PTPN12: variants seen among roughly 807,000 people sequenced by gnomAD.
PTPN12 encodes protein tyrosine phosphatase non-receptor type 12.
A neutral mutation model predicts 97.6 loss-of-function variants in PTPN12; 29 were observed. That is an observed-to-expected ratio of 0.30 (90% CI 0.22 to 0.41). PTPN12 has a LOEUF of 0.41. PTPN12 is among the 10% of genes least tolerant of loss of function. The pLI is 1.00. For synonymous variants in PTPN12, 327 were observed against 300.4 expected, an observed-to-expected ratio of 1.09 and a Z score of -0.91; for missense variants, 819 against 926.0, an observed-to-expected ratio of 0.88 and a Z score of 1.50.
chr7:77,567,587 A>G (rs528759237), intron 1 of PTPN12, among the ~76,000 whole-genome samples: 1 of 152,196 alleles, frequency 6.6e-6, no homozygotes, highest in Non-Finnish European at 1.5e-5. Flanking sequence ...GGCAATTACC[A>G]CCTCAGACCT....
intron 5 of PTPN12, among the ~76,000 whole-genome samples, chr7:77,586,860 A>C (rs1487585572): frequency 6.6e-6 from 1 of 152,244 alleles, no homozygotes; most frequent in African/African-American, 2.4e-5. Flanking sequence ...ATTCCATCTC[A>C]AGAAACCACT....
intron 8 of PTPN12, among the ~76,000 whole-genome samples, chr7:77,603,566 A>G (rs928242303): frequency 1.3e-5 from 2 of 152,022 alleles, no homozygotes; most frequent in East Asian, 3.9e-4. Context: ...GCTCACTGCA[A>G]CCTCCGCCTC....
At chr7:77,583,383 T>C (rs956831122) in intron 3 of PTPN12, among the ~76,000 whole-genome samples, 172 bp from the exon 4 acceptor site, 1 of 152,170 alleles carries the variant, frequency 6.6e-6, no homozygotes, top group African/African-American at 2.4e-5. Context: ...AAAGCTTAAG[T>C]GAATTGAATA....
At chr7:77,601,739 C>T (rs919716899) in intron 8 of PTPN12, among the ~76,000 whole-genome samples, 1 of 152,130 alleles carries the variant, frequency 6.6e-6, no homozygotes, top group South Asian at 2.1e-4. Flanking sequence ...AAACTAAATG[C>T]TGTTTTTATT....
intron 15 of PTPN12, among the ~76,000 whole-genome samples, chr7:77,636,254 C>T (rs1267534662): frequency 1.3e-5 from 2 of 151,930 alleles, no homozygotes; most frequent in African/African-American, 4.8e-5. Context: ...GGCTACCTGG[C>T]ATTTCTTTGA....
chr7:77,539,895 T>C (rs1806870240), intron 1 of PTPN12, among the ~76,000 whole-genome samples: 2 of 152,152 alleles, frequency 1.3e-5, no homozygotes, highest in African/African-American at 4.8e-5. Flanking sequence ...TGCAGGCTGC[T>C]CTCGAACTCC....
chr7:77,539,940 A>G (rs1011465567), intron 1 of PTPN12, among the ~76,000 whole-genome samples: 3 of 152,150 alleles, frequency 2.0e-5, no homozygotes, highest in East Asian at 1.9e-4. Flanking sequence ...TGGCCTCCCA[A>G]AGTGCTGGGA....
intron 1 of PTPN12, among the ~76,000 whole-genome samples, chr7:77,541,619 CATAAT>C (rs1806978448): frequency 6.6e-6 from 1 of 152,134 alleles, no homozygotes; most frequent in Non-Finnish European, 1.5e-5. Flanking sequence ...ATACAACTGT[CATAAT>C]GTATGAGTGT....
chr7:77,638,297 A>G (rs1386404681), intron 16 of PTPN12, among the ~76,000 whole-genome samples: 1 of 152,078 alleles, frequency 6.6e-6, no homozygotes. Flanking sequence ...TTCAGTTGCA[A>G]CTATTCCCTT....
chr7:77,539,422 T>C (rs1806840945), intron 1 of PTPN12, among the ~76,000 whole-genome samples: 1 of 152,210 alleles, frequency 6.6e-6, no homozygotes, highest in East Asian at 1.9e-4. Flanking sequence ...CTTTTTGATC[T>C]GAAAGGGTTA....
chr7:77,593,825 C>T (rs1787941293), intron 6 of PTPN12, among the ~76,000 whole-genome samples: 1 of 152,192 alleles, frequency 6.6e-6, no homozygotes, highest in South Asian at 2.1e-4. Context: ...AATTAAATAT[C>T]ACATTCCTTA....
At chr7:77,543,606 T>C (rs994646077) in intron 1 of PTPN12, among the ~76,000 whole-genome samples, 1 of 152,198 alleles carries the variant, frequency 6.6e-6, no homozygotes. Flanking sequence ...GATGAAGTTA[T>C]GCAACAATAA....
chr7:77,638,692 G>C lies in PTPN12; in HGVS notation c.2242G>C (p.Glu748Gln). 1 of 1,607,342 alleles carries C rather than the reference G, an allele frequency of 6.2e-7. No homozygotes were observed. The highest frequency in any genetic ancestry group is 8.5e-7 in the Non-Finnish European group (1 of 1,177,948). ...TCCACCTACTTTCAGTGACAAGAGA[G>C]AACAAATATCAGAAAATCCAACAGA... ...ECPPTFSDKR[E>Q]QISENPTEAT... The change falls in exon 17 of 18, where the codon GAA (glutamate) becomes CAA (glutamine). Residue 748 changes from glutamate (E) to glutamine (Q), a missense_variant. Physicochemically the swap from Glu to Gln is conservative, Grantham distance 29. Transcript: ENST00000248594.
intron 8 of PTPN12, 174 bp from the exon 9 acceptor site, chr7:77,607,061 G>C (rs1398388571): frequency 2.1e-5 from 11 of 523,736 alleles, no homozygotes; most frequent in Non-Finnish European, 3.7e-5. Flanking sequence ...TGTATTCTGT[G>C]TAACAGATGT....
In PTPN12 at chr7:77,580,864, G is replaced by A. The variant is rs1005302747; in HGVS notation, c.209-563G>A. 3.3e-5 allele frequency among the ~76,000 whole-genome samples: 5 copies of A among 152,098 alleles called. No homozygotes were observed. The East Asian group carries it at 7.7e-4, about 23-fold the overall frequency. On this transcript the variant is annotated intron_variant, in intron 2 of 17. Coordinates refer to ENST00000248594, the MANE Select transcript of PTPN12 (RefSeq NM_002835.4). ...TTAGCATATGGGCTTGTGTATCACTGGTTAGTATTCATCAGCCACTTGGTA... is the reference window on the plus strand; with the variant it reads ...TTAGCATATGGGCTTGTGTATCACTAGTTAGTATTCATCAGCCACTTGGTA...
At chr7:77,603,572 G>T (rs533101746) in intron 8 of PTPN12, among the ~76,000 whole-genome samples, 1 of 152,166 alleles carries the variant, frequency 6.6e-6, no homozygotes, top group South Asian at 2.1e-4. Flanking sequence ...TGCAACCTCC[G>T]CCTCAACTAT....
intron 1 of PTPN12, among the ~76,000 whole-genome samples, chr7:77,550,064 T>C (rs1807412069): frequency 6.6e-6 from 1 of 152,204 alleles, no homozygotes; most frequent in Admixed American, 6.5e-5. Context: ...ATATTCATTG[T>C]GTTTGCCTGG....
chr7:77,630,789 A>G (rs1789371838), intron 13 of PTPN12, among the ~76,000 whole-genome samples: 1 of 152,214 alleles, frequency 6.6e-6, no homozygotes, highest in African/African-American at 2.4e-5. Context: ...AGATTCAACT[A>G]CAGAAGGCCC....
chr7:77,550,421 T>C (rs1344017079), intron 1 of PTPN12, among the ~76,000 whole-genome samples: 12 of 152,166 alleles, frequency 7.9e-5, no homozygotes, highest in Admixed American at 2.6e-4. Flanking sequence ...ATAAAGTTAA[T>C]TTCTGAACAT....
Sources: gnomAD v4.1 joint callset for allele counts (sites outside exome capture counted in the v4.1 genomes callset) on GRCh38, gnomAD v4.1.1 for gene constraint, MANE v1.5 for transcripts, NCBI Gene and HGNC (gene_info 2026-07-23, HGNC 2026-07-21) for gene names.